The following PTPRA variants were observed in gnomAD, a reference collection of about 807,000 sequenced individuals.
PTPRA encodes receptor-type tyrosine-protein phosphatase alpha.
PTPRA carries 25 observed loss-of-function variants against 104.8 expected under a neutral mutation model. The observed-to-expected ratio is 0.24, with a 90% CI of 0.17 to 0.33. PTPRA has a LOEUF of 0.33. Ranked by LOEUF, PTPRA falls within the 10% of genes least tolerant of loss-of-function variation. The pLI is 1.00. For missense variants in PTPRA, 765 were observed against 1,015.3 expected (o/e 0.75, Z 3.35); for synonymous variants, 323 against 368.9 (o/e 0.88, Z 1.43).
At chr20:2,886,127 G>A (rs1480552005) in intron 1 of PTPRA, among the ~76,000 whole-genome samples, 1 of 152,150 alleles carries the variant, frequency 6.6e-6, no homozygotes, top group Non-Finnish European at 1.5e-5. Context: ...TTTAGATCCT[G>A]TTTCATGCAA....
chr20:2,962,901 C>T (rs1037907665), intron 3 of PTPRA, among the ~76,000 whole-genome samples: 7 of 152,066 alleles, frequency 4.6e-5, no homozygotes, highest in African/African-American at 1.7e-4. Flanking sequence ...TTTCATGTGT[C>T]CCTTAAGGAT....
At chr20:2,882,062 C>CA (rs561101399) in intron 1 of PTPRA, among the ~76,000 whole-genome samples, 114 of 152,202 alleles carry the variant, frequency 7.5e-4, no homozygotes, top group African/African-American at 2.7e-3. Context: ...GCCCCACCCC[C>CA]AAAAGGCCCA....
chr20:2,935,786 G>A (rs1473383458), intron 2 of PTPRA, among the ~76,000 whole-genome samples: 4 of 152,138 alleles, frequency 2.6e-5, no homozygotes, highest in African/African-American at 4.8e-5. Context: ...AGGCCTAGGC[G>A]GGTGGATCAC....
At chr20:2,934,282 T>C (rs1196298964) in intron 2 of PTPRA, among the ~76,000 whole-genome samples, 1 of 152,148 alleles carries the variant, frequency 6.6e-6, no homozygotes, top group Non-Finnish European at 1.5e-5. Flanking sequence ...TTTGCATTTT[T>C]TTGTAGAGAC....
At chr20:2,921,742 G>A (rs1207068502) in intron 1 of PTPRA, among the ~76,000 whole-genome samples, 6 of 152,052 alleles carry the variant, frequency 3.9e-5, no homozygotes, top group African/African-American at 9.7e-5. Context: ...AAAGGGGAAC[G>A]GAACATGTTT....
Position 2,975,343 on chromosome 20 carries a change from G to T in PTPRA, c.442+102G>T, listed in dbSNP as rs1249848359. 6 of 1,062,656 alleles carry T rather than the reference G, an allele frequency of 5.6e-6. No individual in the cohort carries two copies. In the South Asian group the frequency reaches 8.7e-5, roughly 15 times the overall value. 65.8% of individuals were successfully genotyped at this position (1,062,656 alleles called of 1,614,324 possible). A position where few individuals can be genotyped will look rare whatever the true frequency, so the allele number is the denominator to read the frequency against. ...GTGGTAACCGTGTGCATCTGTGGCT[G>T]TGTTGTTTGTTTACTTTCCCTTAAG... On this transcript the variant is annotated intron_variant, in intron 6 of 23. Coordinates refer to ENST00000399903, the MANE Select transcript of PTPRA (RefSeq NM_001385305.1).
At chr20:3,006,269 C>G (rs533564589) in intron 10 of PTPRA, among the ~76,000 whole-genome samples, 2 of 152,238 alleles carry the variant, frequency 1.3e-5, no homozygotes, top group African/African-American at 4.8e-5. Flanking sequence ...GATATGTATC[C>G]TCGAATTCCT....
intron 1 of PTPRA, among the ~76,000 whole-genome samples, chr20:2,895,578 A>G (rs1332618900): frequency 4.6e-5 from 7 of 152,052 alleles, no homozygotes; most frequent in African/African-American, 1.7e-4. Flanking sequence ...GTGCAATGGC[A>G]CGATCCTGGC....
chr20:2,919,026 T>G (rs2060009972), intron 1 of PTPRA, among the ~76,000 whole-genome samples: 3 of 152,172 alleles, frequency 2.0e-5, no homozygotes, highest in African/African-American at 7.2e-5. Flanking sequence ...AGTAAATACT[T>G]TAATATATAA....
At chr20:2,867,493 CACCCCCTCT>C in the PTPRA span, among the ~76,000 whole-genome samples, 1 of 104,472 alleles carries the variant, frequency 9.6e-6, no homozygotes. Context: ...CACTCCAGTG[CACCCCCTCT>C]GCTCTCCCTG....
Position 3,037,243 on chromosome 20 carries a change from C to A in PTPRA, c.2288C>A (p.Thr763Asn). ...GAGGGGATTTTGGATGTCTTCCAGA[C>A]TGTCAAGAGCCTGCGGCTACAGAGG... ...KAEGILDVFQ[T>N]VKSLRLQRPH... Residue 763 changes from threonine to asparagine, a missense_variant, in exon 23 of 24, where the codon ACT (threonine) becomes AAT (asparagine). Physicochemically the swap from Thr to Asn is moderately conservative, Grantham distance 65. Transcript: ENST00000399903. This position sits in a 1 kb window ranked among gnomAD's most constrained non-coding sequence, Gnocchi z 4.3. 1 of 1,614,254 alleles carries A rather than the reference C, an allele frequency of 6.2e-7. No individual in the cohort carries two copies. Among genetic ancestry groups the A allele is most frequent in the Non-Finnish European group, 8.5e-7 (1 of 1,180,036 alleles).
At chr20:2,990,026 A>T (rs1277738885) in intron 9 of PTPRA, among the ~76,000 whole-genome samples, 1 of 152,198 alleles carries the variant, frequency 6.6e-6, no homozygotes, top group Non-Finnish European at 1.5e-5. Flanking sequence ...CAAAAAAAAG[A>T]AAAAATGACT....
intron 20 of PTPRA, among the ~76,000 whole-genome samples, chr20:3,034,177 G>A (rs1201842897): frequency 6.6e-6 from 1 of 151,734 alleles, no homozygotes; most frequent in African/African-American, 2.4e-5. Context: ...AGTCTGGGGT[G>A]GGAGAATCAC....
At chr20:2,961,894 C>G (rs945452819) in intron 3 of PTPRA, among the ~76,000 whole-genome samples, 1 of 152,168 alleles carries the variant, frequency 6.6e-6, no homozygotes, top group Non-Finnish European at 1.5e-5. Context: ...TGCCTTTGCT[C>G]CTTTGTCAGT....
In PTPRA at chr20:3,037,768, G is replaced by T. The variant is rs2065874159; in HGVS notation, c.2335-291G>T. Among the ~76,000 whole-genome samples, 1 of 152,178 alleles carries T rather than the reference G, an allele frequency of 6.6e-6. No individual in the cohort carries two copies. The highest frequency in any genetic ancestry group is 6.5e-5 in the Admixed American group (1 of 15,276). ...CATGCTAGCCTGGCAGCCATGGTAAGCGTGGGCCATGCTCAGCTGCACTGT... is the reference window on the plus strand; with the variant it reads ...CATGCTAGCCTGGCAGCCATGGTAATCGTGGGCCATGCTCAGCTGCACTGT... On this transcript the variant is annotated intron_variant, in intron 23 of 23. Transcript: ENST00000399903. This position sits in a 1 kb window ranked among gnomAD's most constrained non-coding sequence, Gnocchi z 4.3.
At chr20:2,989,596 G>T (rs1166137606) in intron 9 of PTPRA, among the ~76,000 whole-genome samples, 1 of 152,198 alleles carries the variant, frequency 6.6e-6, no homozygotes, top group African/African-American at 2.4e-5. Flanking sequence ...ACATGACAGG[G>T]CTGTGTGCAG....
intron 9 of PTPRA, among the ~76,000 whole-genome samples, chr20:2,989,460 G>T (rs1245496708): frequency 1.3e-5 from 2 of 152,016 alleles, no homozygotes; most frequent in African/African-American, 4.8e-5. Flanking sequence ...TCGAATAAAT[G>T]ATATTTTAAT....
upstream of PTPRA, among the ~76,000 whole-genome samples, chr20:2,871,600 G>A (rs1235550210): frequency 2.6e-5 from 4 of 152,176 alleles, no homozygotes; most frequent in Non-Finnish European, 4.4e-5. Context: ...GTGGGGTTTG[G>A]TTCTAGAGCA....
At chr20:2,942,795 A>T (rs1005030069) in intron 2 of PTPRA, among the ~76,000 whole-genome samples, 1 of 151,592 alleles carries the variant, frequency 6.6e-6, no homozygotes. Context: ...TTAATATGAC[A>T]TATAATATAA....
Sources: allele counts gnomAD v4.1 joint callset (sites outside exome capture counted in the v4.1 genomes callset), GRCh38; gene constraint gnomAD v4.1.1; non-coding constraint Gnocchi (gnomAD v3.1); transcripts MANE v1.5; gene names NCBI Gene and HGNC (gene_info 2026-07-23, HGNC 2026-07-21).